CAV2: variants seen among roughly 807,000 people sequenced by gnomAD.
CAV2 encodes the protein caveolin-2.
CAV2 carries 7 observed loss-of-function variants against 15.5 expected under a neutral mutation model. The ratio of observed to expected loss-of-function variants is 0.45; its 90% confidence interval spans 0.26 to 0.85. The LOEUF is 0.85. Among genes scored for constraint, CAV2 ranks in the 40% least tolerant of loss-of-function variants. The pLI is 0.18. For synonymous variants in CAV2, 76 were observed against 83.1 expected (o/e 0.91, Z 0.46); for missense variants, 229 against 208.8 (o/e 1.10, Z -0.60).
intron 2 of CAV2, among the ~76,000 whole-genome samples, chr7:116,505,484 C>A (rs1391878614): frequency 2.0e-5 from 3 of 152,192 alleles, no homozygotes; most frequent in African/African-American, 7.2e-5. Context: ...TTTTTGCTCA[C>A]AGTTCTGCGG....
At position 116,505,986 on chromosome 7, in the gene CAV2, T is replaced by C; in HGVS notation, c.354T>C (p.Phe118=). The change falls in exon 3 of 3, where the codon TTT becomes TTC. Residue 118 remains phenylalanine (F), a synonymous_variant. Transcript: ENST00000222693. ...TTCCTTCCAGGATTTTAATGCCTTT[T>C]GTAAAGACCTGCCTAATGGTTCTGC... ...SCLHIWILMP[F]VKTCLMVLPS... 1 of 1,612,424 alleles carries C rather than the reference T, an allele frequency of 6.2e-7. No homozygotes were observed. Among genetic ancestry groups the C allele is most frequent in the South Asian group, 1.1e-5 (1 of 90,690 alleles).
At chr7:116,499,963 C>CG in intron 1 of CAV2, 32 bp downstream of exon 1, 1 of 1,602,604 alleles carries the variant, frequency 6.2e-7, no homozygotes, top group Non-Finnish European at 8.5e-7. Context: ...CCCAAGTCCC[C>CG]GCTGAGGCCG....
intron 1 of CAV2, 32 bp downstream of exon 1, chr7:116,499,963 C>T (rs1348035721): frequency 6.2e-7 from 1 of 1,602,604 alleles, no homozygotes; most frequent in Non-Finnish European, 8.5e-7. Flanking sequence ...CCCAAGTCCC[C>T]GCTGAGGCCG....
Position 116,499,769 on chromosome 7 carries a change from C to A in CAV2, c.-13C>A, listed in dbSNP as rs1174596156. 49 of 1,537,916 alleles carry A rather than the reference C, an allele frequency of 3.2e-5. No individual in the cohort carries two copies. The highest frequency in any genetic ancestry group is 4.3e-5 in the Non-Finnish European group (49 of 1,143,826). On this transcript the variant is annotated 5_prime_UTR_variant, in exon 1 of 3. Coordinates refer to ENST00000222693, the MANE Select transcript of CAV2 (RefSeq NM_001233.5). Reference sequence around the variant, plus strand: ...CGCCAGCCGGGCTGCAGCGGCCGCGCACCAAGGCTGCGATGGGGCTGGAGA... The same window carrying A: ...CGCCAGCCGGGCTGCAGCGGCCGCGAACCAAGGCTGCGATGGGGCTGGAGA...
Position 116,500,365 on chromosome 7 carries a change from A to G in CAV2, c.256A>G (p.Lys86Glu), listed in dbSNP as rs149320804. The change falls in exon 2 of 3, where the codon AAG becomes GAG. Residue 86 changes from lysine to glutamate, a missense_variant. Lys to Glu is a moderately conservative substitution (Grantham distance 56). Coordinates refer to ENST00000222693, the MANE Select transcript of CAV2 (RefSeq NM_001233.5). Reference protein sequence around the residue: ...LFEISKYVMYKFLTVFLAIPL... With the variant: ...LFEISKYVMYEFLTVFLAIPL... ...TGAAATCAGCAAATACGTAATGTAC[A>G]AGTTCCTGACGGTGTTCCTGGCCAT... The G allele has an allele frequency of 6.9e-5, 111 of 1,614,074 alleles. No individual in the cohort carries two copies. Among genetic ancestry groups the G allele is most frequent in the Admixed American group, 1.3e-4 (8 of 60,006 alleles).
chr7:116,500,026 G>T lies in CAV2; in HGVS notation c.150+95G>T. The T allele has an allele frequency of 1.2e-5, 18 of 1,506,752 alleles. No individual in the cohort carries two copies. In the South Asian group the frequency reaches 2.0e-4, roughly 17 times the overall value. The allele number at this position is 1,506,752 out of a possible 1,614,324, so 93.3% of individuals were successfully genotyped here. ...CCTAACCCGTCCCACCATTGCTACC[G>T]GGTCGGCCCCGCAGGGTCTGAGACC... On this transcript the variant is annotated intron_variant, in intron 1 of 2. Coordinates refer to ENST00000222693, the MANE Select transcript of CAV2 (RefSeq NM_001233.5).
rs1563087081 is a variant in CAV2, at chr7:116,506,230, C to T, written c.*109C>T. 1 of 1,064,546 alleles carries T rather than the reference C, an allele frequency of 9.4e-7. No homozygotes were observed. Among genetic ancestry groups the T allele is most frequent in the East Asian group, 2.5e-5 (1 of 39,616 alleles). 65.9% of individuals were successfully genotyped at this position (1,064,546 alleles called of 1,614,324 possible). A position where few individuals can be genotyped will look rare whatever the true frequency, so the allele number is the denominator to read the frequency against. On this transcript the variant is annotated 3_prime_UTR_variant, in exon 3 of 3. Coordinates refer to ENST00000222693, the MANE Select transcript of CAV2 (RefSeq NM_001233.5). ...TTCCTAGCTGTTCTAATTAAGAAAA[C>T]TATTAAGATGAGCAACCACATTTAG...
chr7:116,502,355 T>C (rs1412849243), intron 2 of CAV2, among the ~76,000 whole-genome samples: 2 of 152,206 alleles, frequency 1.3e-5, no homozygotes, highest in East Asian at 1.9e-4. Flanking sequence ...ATTATTTAAC[T>C]TCAGCTTGTT....
intron 1 of CAV2, 106 bp from the exon 2 acceptor site, chr7:116,500,154 C>T (rs1172159277): frequency 2.6e-6 from 4 of 1,510,290 alleles, no homozygotes; most frequent in Non-Finnish European, 3.5e-6. Flanking sequence ...AAGAGGCGGA[C>T]GCCCTGGCAC....
At chr7:116,501,962 A>G (rs1170327397) in intron 2 of CAV2, among the ~76,000 whole-genome samples, 2 of 152,202 alleles carry the variant, frequency 1.3e-5, no homozygotes, top group African/African-American at 4.8e-5. Context: ...AAGATCCCTG[A>G]GTTGGCACAT....
intron 2 of CAV2, among the ~76,000 whole-genome samples, chr7:116,503,431 C>A (rs1355687230): frequency 6.6e-6 from 1 of 152,096 alleles, no homozygotes; most frequent in Non-Finnish European, 1.5e-5. Context: ...CTTTGCTGAA[C>A]AAGAAGATTC....
rs1465167542 is a variant in CAV2 at position 116,506,949 on chromosome 7, T to G, written c.*828T>G. The G allele has an allele frequency of 1.3e-5, 2 of 152,302 alleles. No homozygotes were observed. Among genetic ancestry groups the G allele is most frequent in the Admixed American group, 1.3e-4 (2 of 15,280 alleles). 9.4% of individuals were successfully genotyped at this position (152,302 alleles called of 1,614,324 possible). A position where few individuals can be genotyped will look rare whatever the true frequency, so the allele number is the denominator to read the frequency against. ...AAAAGAGCGATACACAAAGCTTTCT[T>G]TTCTAACTTTTCCAAGCAAAATCTA... is the stretch of plus-strand genomic sequence containing the variant. On this transcript the variant is annotated 3_prime_UTR_variant, in exon 3 of 3. Coordinates refer to ENST00000222693, the MANE Select transcript of CAV2 (RefSeq NM_001233.5).
At position 116,499,940 on chromosome 7, in the gene CAV2, C is replaced by T. The variant is rs1226886792; in HGVS notation, c.150+9C>T. ...TCAACTCGCATCTCAAGGTGAAGCC[C>T]GGGGCGGGCGGGCCCAAGTCCCCGC... On this transcript the variant is annotated intron_variant, in intron 1 of 2. Transcript: ENST00000222693. 3 of 1,609,208 alleles carry T rather than the reference C, an allele frequency of 1.9e-6. No homozygotes were observed. The highest frequency in any genetic ancestry group is 2.5e-6 in the Non-Finnish European group (3 of 1,178,376).
intron 2 of CAV2, chr7:116,500,683 T>G (rs959544701): frequency 3.5e-5 from 18 of 510,304 alleles, no homozygotes; most frequent in Non-Finnish European, 5.9e-5. Context: ...GGGTGTGATT[T>G]TCCTTGCATA....
intron 2 of CAV2, among the ~76,000 whole-genome samples, chr7:116,501,643 C>A (rs1438004476): frequency 6.6e-6 from 1 of 152,158 alleles, no homozygotes; most frequent in Admixed American, 6.5e-5. Context: ...CTTATCAGGG[C>A]AGCTGGCTAG....
chr7:116,506,044 G>A lies in CAV2; in HGVS notation c.412G>A (p.Asp138Asn). ...SVQTIWKSVT[D>N]VIIAPLCTSV... is the part of the protein sequence containing the mutation. ...GCAGACAATATGGAAGAGTGTGACA[G>A]ATGTTATCATTGCTCCATTGTGTAC... Residue 138 changes from aspartate (D) to asparagine (N), a missense_variant, in exon 3 of 3, where the codon GAT (aspartate) becomes AAT (asparagine). Transcript: ENST00000222693. 6.2e-7 allele frequency: 1 copy of A among 1,613,788 alleles called. No homozygotes were observed. Among genetic ancestry groups the A allele is most frequent in the Non-Finnish European group, 8.5e-7 (1 of 1,179,674 alleles).
rs1380339217 is a variant in CAV2, at chr7:116,507,268, C to T, written c.*1147C>T. 1 of 152,266 alleles carries T rather than the reference C, an allele frequency of 6.6e-6. No individual in the cohort carries two copies. Among genetic ancestry groups the T allele is most frequent in the South Asian group, 2.1e-4 (1 of 4,836 alleles). The allele number at this position is 152,266 out of a possible 1,614,324, so 9.4% of individuals were successfully genotyped here. On this transcript the variant is annotated 3_prime_UTR_variant, in exon 3 of 3. Transcript: ENST00000222693. The stretch of plus-strand genomic sequence containing the variant: ...TAAACTAAAAACTAACAGCTACAAA[C>T]TTTTAAGATTTCTCTAATATTGGTA...
Position 116,500,363 on chromosome 7 carries a change from A to G in CAV2, c.254A>G (p.Tyr85Cys), listed in dbSNP as rs1015765548. 3.1e-6 allele frequency: 5 copies of G among 1,614,090 alleles called. No individual in the cohort carries two copies. In the African/African-American group the frequency reaches 5.3e-5, roughly 17 times the overall value. The change falls in exon 2 of 3, where the codon TAC (tyrosine) becomes TGC (cysteine). Residue 85 changes from tyrosine (Y) to cysteine (C), a missense_variant. Physicochemically the swap from Tyr to Cys is radical, Grantham distance 194. Coordinates refer to ENST00000222693, the MANE Select transcript of CAV2 (RefSeq NM_001233.5). Reference protein sequence around the residue: ...ALFEISKYVMYKFLTVFLAIP... With the variant: ...ALFEISKYVMCKFLTVFLAIP... ...TTTGAAATCAGCAAATACGTAATGTACAAGTTCCTGACGGTGTTCCTGGCC... is the reference window on the plus strand; with the variant it reads ...TTTGAAATCAGCAAATACGTAATGTGCAAGTTCCTGACGGTGTTCCTGGCC...
chr7:116,502,448 T>A (rs879628485), intron 2 of CAV2, among the ~76,000 whole-genome samples: 7 of 151,034 alleles, frequency 4.6e-5, no homozygotes, highest in Non-Finnish European at 8.8e-5. Flanking sequence ...AGTAGAGGAG[T>A]AATTTCAAAC....
Sources: allele counts gnomAD v4.1 joint callset (sites outside exome capture counted in the v4.1 genomes callset), GRCh38; gene constraint gnomAD v4.1.1; transcripts MANE v1.5; gene names NCBI Gene and HGNC (gene_info 2026-07-23, HGNC 2026-07-21).